Variants in GPC6 observed in about 807,000 individuals in gnomAD.
The protein encoded by GPC6 is glypican-6.
In GPC6, 14 loss-of-function variants were observed where a neutral mutation model predicts 55.2. That is an observed-to-expected ratio of 0.25 (90% CI 0.17 to 0.40). GPC6 has a LOEUF of 0.40. Among genes scored for constraint, GPC6 ranks in the 10% least tolerant of loss-of-function variants. The probability of loss-of-function intolerance (pLI) is 1.00; values close to 1 mark genes in which losing one functional copy is unlikely to be tolerated. For synonymous variants in GPC6, 278 were observed against 259.6 expected, an observed-to-expected ratio of 1.07 and a Z score of -0.68; for missense variants, 641 against 708.5, an observed-to-expected ratio of 0.90 and a Z score of 1.08.
chr13:94,398,137 T>C (rs1880972300), intron 7 of GPC6, among the ~76,000 whole-genome samples: 1 of 152,032 alleles, frequency 6.6e-6, no homozygotes, highest in Admixed American at 6.6e-5. Context: ...CTCAGGTATG[T>C]ATGTTTCAGT....
At chr13:93,248,865 C>T (rs1484009133) in intron 1 of GPC6, among the ~76,000 whole-genome samples, 2 of 152,178 alleles carry the variant, frequency 1.3e-5, no homozygotes, top group Admixed American at 1.3e-4. Flanking sequence ...AGCTGATACG[C>T]CTAACACAAA....
intron 4 of GPC6, among the ~76,000 whole-genome samples, chr13:94,211,151 T>C (rs1325145663): frequency 6.6e-6 from 1 of 152,172 alleles, no homozygotes; most frequent in African/African-American, 2.4e-5. Flanking sequence ...TGGGTTTTTG[T>C]TTTGGGGTTT....
At chr13:93,993,524 G>GA (rs1167428091) in intron 3 of GPC6, among the ~76,000 whole-genome samples, 1 of 151,978 alleles carries the variant, frequency 6.6e-6, no homozygotes, top group East Asian at 1.9e-4. Context: ...CCAAACTCCT[G>GA]ACCTCAAATG....
At chr13:94,265,926 G>A (rs967990624) in intron 4 of GPC6, among the ~76,000 whole-genome samples, 1 of 152,148 alleles carries the variant, frequency 6.6e-6, no homozygotes, top group African/African-American at 2.4e-5. Flanking sequence ...GAATTGGAAA[G>A]AAAGTTTCTA....
intron 4 of GPC6, among the ~76,000 whole-genome samples, chr13:94,271,679 A>C (rs1354706179): frequency 6.6e-6 from 1 of 152,140 alleles, no homozygotes; most frequent in Non-Finnish European, 1.5e-5. Context: ...TACCAAGCCC[A>C]TTGAAAATAC....
Position 93,227,524 on chromosome 13 carries a change from C to A in GPC6, c.68C>A (p.Ala23Glu), listed in dbSNP as rs745971578. The change falls in exon 1 of 9, where the codon GCG becomes GAG. Residue 23 changes from alanine to glutamate, a missense_variant. Coordinates refer to ENST00000377047, the MANE Select transcript of GPC6 (RefSeq NM_005708.5). The surrounding 1 kb of genome is among the most constrained non-coding windows in gnomAD (Gnocchi z 4.3). ...LGLLLSLPAG[A>E]DVKARSCGEV... ...CTGCTGCTCTCCCTCCCCGCCGGGG[C>A]GGATGTGAAGGCTCGGAGCTGCGGA... is the stretch of plus-strand genomic sequence containing the variant. 3.1e-6 allele frequency: 5 copies of A among 1,613,616 alleles called. No homozygotes were observed. The highest frequency in any genetic ancestry group is 1.3e-5 in the African/African-American group (1 of 75,050).
intron 1 of GPC6, among the ~76,000 whole-genome samples, chr13:93,359,206 T>C (rs1880960865): frequency 6.6e-6 from 1 of 152,112 alleles, no homozygotes; most frequent in Non-Finnish European, 1.5e-5. Context: ...GCTGAAGCAA[T>C]CTTCCAGCCT....
chr13:93,634,669 G>A (rs1210687492), intron 2 of GPC6, among the ~76,000 whole-genome samples: 1 of 152,070 alleles, frequency 6.6e-6, no homozygotes, highest in African/African-American at 2.4e-5. Flanking sequence ...TCACATTTGA[G>A]TTTCTAGAAG....
rs564208661 is a variant in GPC6, at chr13:94,139,847, C to A, written c.877+111953C>A. 6.6e-4 allele frequency among the ~76,000 whole-genome samples: 100 copies of A among 152,282 alleles called. 3 individuals are homozygous for A. In the South Asian group the frequency reaches 0.02, roughly 31 times the overall value. ...TATCTGATCATTCCACCAGCTGTAG[C>A]TTCCTGGGGCTACAGTTTAACAACA... is the stretch of plus-strand genomic sequence containing the variant. On this transcript the variant is annotated intron_variant, in intron 4 of 8. Coordinates refer to ENST00000377047, the MANE Select transcript of GPC6 (RefSeq NM_005708.5).
At chr13:93,579,424 A>T (rs887646914) in intron 2 of GPC6, among the ~76,000 whole-genome samples, 4 of 152,062 alleles carry the variant, frequency 2.6e-5, no homozygotes, top group African/African-American at 9.7e-5. Context: ...AATATAATAT[A>T]GGAAAAGAAG....
intron 4 of GPC6, among the ~76,000 whole-genome samples, chr13:94,073,241 C>T (rs1197281256): frequency 6.6e-6 from 1 of 152,114 alleles, no homozygotes; most frequent in Non-Finnish European, 1.5e-5. Context: ...GGAATACCAT[C>T]GTTATTACTC....
chr13:94,360,730 C>T (rs531522916), intron 6 of GPC6, among the ~76,000 whole-genome samples: 3 of 152,232 alleles, frequency 2.0e-5, no homozygotes, highest in African/African-American at 7.2e-5. Context: ...ATATATTTTC[C>T]ATCTTTTTTG....
At position 94,133,288 on chromosome 13, in the gene GPC6, A is replaced by AAAAAC. The variant is rs1216186750; in HGVS notation, c.877+105395_877+105399dup. Among the ~76,000 whole-genome samples the AAAAAC allele has an allele frequency of 6.3e-3, 800 of 127,100 alleles. 22 individuals carry two copies. Among genetic ancestry groups the AAAAAC allele is most frequent in the East Asian group, 7.6e-3 (32 of 4,212 alleles). The allele number at this position is 127,100 out of a possible 152,430, so 83.4% of individuals were successfully genotyped here. A position where few individuals can be genotyped will look rare whatever the true frequency, so the allele number is the denominator to read the frequency against. ...GTGACAAAAAAAAAAAAAAAAAAAA[A>AAAAAC]AAAACCTTAAGTGCTTTTAAAACAC... On this transcript the variant is annotated intron_variant, in intron 4 of 8. Coordinates refer to ENST00000377047, the MANE Select transcript of GPC6 (RefSeq NM_005708.5).
chr13:93,918,193 G>A (rs746693051), intron 3 of GPC6, among the ~76,000 whole-genome samples: 16 of 152,022 alleles, frequency 1.1e-4, no homozygotes, highest in Non-Finnish European at 1.5e-4. Flanking sequence ...ATAGGATGGT[G>A]GTGGGTATTT....
At position 93,658,525 on chromosome 13, in the gene GPC6, G is replaced by T. The variant is rs77999315; in HGVS notation, c.319+113104G>T. 7.7e-3 allele frequency among the ~76,000 whole-genome samples: 1,163 copies of T among 151,640 alleles called. 21 individuals are homozygous for T. The highest frequency in any genetic ancestry group is 0.027 in the African/African-American group (1,109 of 41,414). The stretch of plus-strand genomic sequence containing the variant: ...TGTATTTCCAGCTTTCCAGTGTTTG[G>T]TCATGTCACTCTTTTGTCAAATCTT... On this transcript the variant is annotated intron_variant, in intron 2 of 8. Coordinates refer to ENST00000377047, the MANE Select transcript of GPC6 (RefSeq NM_005708.5).
chr13:93,237,380 G>A (rs4389018), intron 1 of GPC6, among the ~76,000 whole-genome samples: 6,278 of 151,426 alleles, frequency 0.041, 227 homozygotes, highest in East Asian at 0.098. Context: ...TTTGAAAAAC[G>A]TCTCTTCATG....
intron 1 of GPC6, among the ~76,000 whole-genome samples, chr13:93,426,302 T>C (rs1190464032): frequency 6.6e-6 from 1 of 151,994 alleles, no homozygotes; most frequent in Admixed American, 6.6e-5. Flanking sequence ...TAGTTACATA[T>C]GTATACATGT....
chr13:93,772,452 G>C (rs1350342745), intron 2 of GPC6, among the ~76,000 whole-genome samples: 1 of 151,912 alleles, frequency 6.6e-6, no homozygotes, highest in African/African-American at 2.4e-5. Context: ...GAGTTTTCAA[G>C]GATAGAAAGA....
At chr13:93,893,479 T>G (rs915081767) in intron 3 of GPC6, among the ~76,000 whole-genome samples, 3 of 152,134 alleles carry the variant, frequency 2.0e-5, no homozygotes, top group African/African-American at 7.2e-5. Flanking sequence ...TCAGTTGTAA[T>G]AGAAAATTAA....
Sources: allele counts gnomAD v4.1 joint callset (sites outside exome capture counted in the v4.1 genomes callset), GRCh38; gene constraint gnomAD v4.1.1; non-coding constraint Gnocchi (gnomAD v3.1); transcripts MANE v1.5; gene names NCBI Gene and HGNC (gene_info 2026-07-23, HGNC 2026-07-21).